The following SLC24A3 variants were observed in gnomAD, a reference collection of about 807,000 sequenced individuals.
SLC24A3 encodes the protein solute carrier family 24 member 3, also known as sodium/potassium/calcium exchanger 3.
Under a neutral mutation model 75.8 loss-of-function variants are expected in SLC24A3, and 28 were observed. The ratio of observed to expected loss-of-function variants is 0.37; its 90% CI spans 0.27 to 0.51. The LOEUF is 0.51. Among genes scored for constraint, SLC24A3 ranks in the 20% least tolerant of loss-of-function variants. The pLI is 0.94. For synonymous variants in SLC24A3, 372 were observed against 334.1 expected (o/e 1.11, Z -1.24); for missense variants, 663 against 847.8 (o/e 0.78, Z 2.71).
chr20:19,374,380 T>A (rs1019470131), intron 2 of SLC24A3, among the ~76,000 whole-genome samples: 2 of 152,196 alleles, frequency 1.3e-5, no homozygotes, highest in Non-Finnish European at 2.9e-5. Context: ...CAGGCTGGAT[T>A]TGTGCCCCTG....
chr20:19,532,978 C>T (rs969727915), intron 3 of SLC24A3, among the ~76,000 whole-genome samples: 3 of 152,182 alleles, frequency 2.0e-5, no homozygotes, highest in Admixed American at 6.5e-5. Flanking sequence ...CAAACCAACA[C>T]ATATTAGCTG....
chr20:19,545,017 G>A (rs2030563993), intron 3 of SLC24A3, among the ~76,000 whole-genome samples: 1 of 152,146 alleles, frequency 6.6e-6, no homozygotes, highest in Non-Finnish European at 1.5e-5. Flanking sequence ...AGGCTATATG[G>A]GCATATTCAT....
intron 8 of SLC24A3, among the ~76,000 whole-genome samples, chr20:19,669,990 C>T (rs1600331113): frequency 6.6e-6 from 1 of 152,138 alleles, no homozygotes; most frequent in East Asian, 1.9e-4. Flanking sequence ...GGAGAAGGTG[C>T]CCAGCGTCCT....
At chr20:19,323,248 T>A (rs1195546210) in intron 2 of SLC24A3, among the ~76,000 whole-genome samples, 2 of 151,878 alleles carry the variant, frequency 1.3e-5, no homozygotes, top group East Asian at 3.9e-4. Context: ...ATAACCTTCT[T>A]TATTCTTCAA....
chr20:19,307,912 C>T (rs752884047), intron 2 of SLC24A3, among the ~76,000 whole-genome samples: 3 of 152,198 alleles, frequency 2.0e-5, no homozygotes, highest in Non-Finnish European at 2.9e-5. Context: ...CAGCAGACAT[C>T]GGTTTGCTTA....
At chr20:19,270,062 T>C (rs1343025528) in intron 1 of SLC24A3, among the ~76,000 whole-genome samples, 1 of 152,096 alleles carries the variant, frequency 6.6e-6, no homozygotes, top group Non-Finnish European at 1.5e-5. Context: ...TGATTGGGAG[T>C]CCCTGGGATT....
At chr20:19,560,665 T>C (rs1340081665) in intron 3 of SLC24A3, among the ~76,000 whole-genome samples, 1 of 152,194 alleles carries the variant, frequency 6.6e-6, no homozygotes, top group East Asian at 1.9e-4. Flanking sequence ...AAGTTGATGA[T>C]AAAATATAAC....
chr20:19,361,670 T>G (rs931925404), intron 2 of SLC24A3, among the ~76,000 whole-genome samples: 1 of 152,240 alleles, frequency 6.6e-6, no homozygotes, highest in Non-Finnish European at 1.5e-5. Context: ...TAAACAAATA[T>G]TGATATGATA....
At chr20:19,331,647 CT>C (rs34960297) in intron 2 of SLC24A3, among the ~76,000 whole-genome samples, 4 of 152,094 alleles carry the variant, frequency 2.6e-5, no homozygotes, top group East Asian at 3.9e-4. Context: ...ATCAGGCCCC[CT>C]TTTTATTGAC....
chr20:19,496,231 A>G (rs1988285257), intron 2 of SLC24A3, among the ~76,000 whole-genome samples: 1 of 152,128 alleles, frequency 6.6e-6, no homozygotes, highest in Non-Finnish European at 1.5e-5. Context: ...GCATCAGTCC[A>G]TCCTCAACAC....
chr20:19,287,689 G>C (rs935517449), intron 2 of SLC24A3, among the ~76,000 whole-genome samples: 1 of 152,222 alleles, frequency 6.6e-6, no homozygotes, highest in Non-Finnish European at 1.5e-5. Flanking sequence ...CAATGAGGCA[G>C]AAATTGTCCC....
chr20:19,581,514 G>A (rs1390564948), intron 4 of SLC24A3, among the ~76,000 whole-genome samples: 6 of 152,184 alleles, frequency 3.9e-5, no homozygotes, highest in Non-Finnish European at 8.8e-5. Flanking sequence ...AAGAGGGCAG[G>A]TGTGAGTCTT....
chr20:19,488,005 C>A (rs1422883171), intron 2 of SLC24A3, among the ~76,000 whole-genome samples: 1 of 152,202 alleles, frequency 6.6e-6, no homozygotes, highest in Non-Finnish European at 1.5e-5. Context: ...GTGTCAATGA[C>A]CATCTCTGCA....
At chr20:19,415,799 A>G (rs1986818544) in intron 2 of SLC24A3, among the ~76,000 whole-genome samples, 1 of 152,214 alleles carries the variant, frequency 6.6e-6, no homozygotes, top group Non-Finnish European at 1.5e-5. Flanking sequence ...GGGGAAAGCT[A>G]AGATATACAG....
At chr20:19,635,869 G>A (rs550557548) in intron 6 of SLC24A3, among the ~76,000 whole-genome samples, 12 of 152,304 alleles carry the variant, frequency 7.9e-5, no homozygotes, top group East Asian at 5.8e-4. Flanking sequence ...GGCCAGGCGC[G>A]GTGGCTTACA....
chr20:19,340,321 C>T (rs1206746854), intron 2 of SLC24A3, among the ~76,000 whole-genome samples: 1 of 152,130 alleles, frequency 6.6e-6, no homozygotes, highest in Non-Finnish European at 1.5e-5. Flanking sequence ...ATGAGGAAAA[C>T]CAAAGCTTAG....
intron 9 of SLC24A3, among the ~76,000 whole-genome samples, chr20:19,680,906 A>G (rs2032606498): frequency 6.6e-6 from 1 of 152,216 alleles, no homozygotes; most frequent in Non-Finnish European, 1.5e-5. Context: ...ACTTACGGTC[A>G]CCATGCCTAA....
At chr20:19,621,940 A>G (rs1185664370) in intron 6 of SLC24A3, among the ~76,000 whole-genome samples, 3 of 152,180 alleles carry the variant, frequency 2.0e-5, no homozygotes, top group Non-Finnish European at 4.4e-5. Context: ...TGTCATGCTC[A>G]TCAGCCCCTG....
At position 19,266,567 on chromosome 20, in the gene SLC24A3, T is replaced by C. The variant is rs552036321; in HGVS notation, c.143-14392T>C. On this transcript the variant is annotated intron_variant, in intron 1 of 16. Coordinates refer to ENST00000328041, the MANE Select transcript of SLC24A3 (RefSeq NM_020689.4). ...TTTTATACTCATACTCATAAATAAA[T>C]TGGACTGTTTATCCAATCACAAAGG... is the stretch of plus-strand genomic sequence containing the variant. 3.9e-5 allele frequency among the ~76,000 whole-genome samples: 6 copies of C among 152,278 alleles called. No homozygotes were observed. In the East Asian group the frequency reaches 9.7e-4, roughly 25 times the overall value.
Sources: gnomAD v4.1 joint callset for allele counts (sites outside exome capture counted in the v4.1 genomes callset) on GRCh38, gnomAD v4.1.1 for gene constraint, MANE v1.5 for transcripts, NCBI Gene and HGNC (gene_info 2026-07-23, HGNC 2026-07-21) for gene names.